RBM6: variants seen among roughly 807,000 people sequenced by gnomAD.
RBM6 encodes the protein RNA binding motif protein 6, also known as RNA-binding protein 6.
A neutral mutation model predicts 140.4 loss-of-function variants in RBM6; 23 were observed. That is an observed-to-expected ratio of 0.16 (90% confidence interval 0.12 to 0.23). The LOEUF is 0.23. Ranked by LOEUF, RBM6 falls within the 10% of genes least tolerant of loss-of-function variation. RBM6 has a pLI of 1.00. For synonymous variants in RBM6, 439 were observed against 475.6 expected (o/e 0.92, Z 1.00); for missense variants, 1,139 against 1,386.7 (o/e 0.82, Z 2.84).
At chr3:50,075,432 C>G in intron 20 of RBM6, 102 bp downstream of exon 20, 1 of 1,460,796 alleles carries the variant, frequency 6.8e-7, no homozygotes, top group Non-Finnish European at 9.3e-7. Context: ...GCTGGGCTTT[C>G]TCTACTGCTG....
At chr3:50,011,169 A>G (rs2086829900) in intron 6 of RBM6, among the ~76,000 whole-genome samples, 1 of 151,918 alleles carries the variant, frequency 6.6e-6, no homozygotes, top group African/African-American at 2.4e-5. Context: ...CGAGTGAGCC[A>G]TGATTAGATC....
chr3:50,006,521 T>C (rs545190477), intron 6 of RBM6, among the ~76,000 whole-genome samples: 1 of 152,284 alleles, frequency 6.6e-6, no homozygotes, highest in South Asian at 2.1e-4. Flanking sequence ...GGGGGTTGCA[T>C]TTCGGCTCCA....
At chr3:50,001,256 G>A (rs1295649026) in intron 6 of RBM6, among the ~76,000 whole-genome samples, 1 of 152,096 alleles carries the variant, frequency 6.6e-6, no homozygotes. Flanking sequence ...TTGAGGCCAG[G>A]AGTTTGAGAC....
At chr3:49,982,257 CTTTTCTTTTTTTTT>C (rs2085337860) in intron 5 of RBM6, among the ~76,000 whole-genome samples, 1 of 76,018 alleles carries the variant, frequency 1.3e-5, no homozygotes, top group African/African-American at 5.3e-5. Context: ...CATTTCTTTT[CTTTTCTTTTTTTTT>C]TTTTTTTTTT....
intron 1 of RBM6, among the ~76,000 whole-genome samples, chr3:49,941,977 G>T (rs2083302436): frequency 6.6e-6 from 1 of 151,480 alleles, no homozygotes; most frequent in Non-Finnish European, 1.5e-5. Flanking sequence ...GCATGCTCCT[G>T]TTAGCCCTAA....
Position 50,040,445 on chromosome 3 carries a change from CAAAAAAAAAAAA to C in RBM6, c.1558-7784_1558-7773del, listed in dbSNP as rs1163542465. Among the ~76,000 whole-genome samples the C allele has an allele frequency of 4.9e-3, 331 of 67,642 alleles. 5 individuals carry two copies. Among genetic ancestry groups the C allele is most frequent in the African/African-American group, 0.022 (298 of 13,852 alleles). 44.4% of individuals were successfully genotyped at this position (67,642 alleles called of 152,430 possible). On this transcript the variant is annotated intron_variant, in intron 6 of 20. Transcript: ENST00000266022. ...TGGGTGACAGAGCAAGGCTCCTTCT[CAAAAAAAAAAAA>C]AAAAAAAAAAAAAAATATATATATA... is the stretch of plus-strand genomic sequence containing the variant.
At chr3:50,036,017 C>T (rs1025310116) in intron 6 of RBM6, among the ~76,000 whole-genome samples, 1 of 152,168 alleles carries the variant, frequency 6.6e-6, no homozygotes, top group Non-Finnish European at 1.5e-5. Flanking sequence ...ACCTTGGCCT[C>T]CCAAAGTGCT....
intron 15 of RBM6, 41 bp from the exon 16 acceptor site, chr3:50,064,990 A>G (rs919701614): frequency 2.0e-6 from 3 of 1,523,674 alleles, no homozygotes; most frequent in South Asian, 1.1e-5. Flanking sequence ...ATCAGTTATT[A>G]TGAGTGAATA....
chr3:50,006,544 G>A (rs560534675), intron 6 of RBM6, among the ~76,000 whole-genome samples: 1 of 152,206 alleles, frequency 6.6e-6, no homozygotes, highest in Admixed American at 6.5e-5. Flanking sequence ...ACTTTCTAAG[G>A]TGTACTTGAA....
intron 7 of RBM6, 130 bp from the exon 8 acceptor site, chr3:50,054,205 C>CT: frequency 2.6e-6 from 2 of 756,772 alleles, no homozygotes; most frequent in South Asian, 3.4e-5. Context: ...ATATCAGATT[C>CT]TTTTTTTAAG....
chr3:49,987,902 C>T (rs1291567560), intron 5 of RBM6, among the ~76,000 whole-genome samples: 3 of 151,856 alleles, frequency 2.0e-5, no homozygotes, highest in African/African-American at 7.3e-5. Context: ...GCCTCCCAAG[C>T]GTGGGGATTA....
At chr3:49,943,568 C>T (rs944620594) in intron 1 of RBM6, among the ~76,000 whole-genome samples, 8 of 152,062 alleles carry the variant, frequency 5.3e-5, no homozygotes, top group African/African-American at 9.7e-5. Flanking sequence ...CTTGGCCTCC[C>T]GAAGTGCTGG....
chr3:49,959,384 A>G (rs1212859367), intron 1 of RBM6, among the ~76,000 whole-genome samples: 4 of 127,488 alleles, frequency 3.1e-5, no homozygotes, highest in African/African-American at 5.9e-5. Context: ...TATTTTTAGT[A>G]GAGACGGGGT....
intron 15 of RBM6, 134 bp from the exon 16 acceptor site, chr3:50,064,897 C>A: frequency 1.6e-6 from 1 of 643,200 alleles, no homozygotes; most frequent in Non-Finnish European, 2.7e-6. Context: ...TGGTCTCGAT[C>A]TCCTGACGTT....
At chr3:49,948,072 G>A (rs187534405) in intron 1 of RBM6, among the ~76,000 whole-genome samples, 222 of 152,106 alleles carry the variant, frequency 1.5e-3, no homozygotes, top group Admixed American at 3.9e-3. Flanking sequence ...CAGCCTGGGC[G>A]ACAGAGCGAG....
intron 6 of RBM6, among the ~76,000 whole-genome samples, chr3:50,025,368 A>G (rs2087739745): frequency 1.3e-5 from 2 of 151,686 alleles, no homozygotes; most frequent in Admixed American, 1.3e-4. Context: ...GGTTGCAGTG[A>G]GCTGAGATCA....
At chr3:50,060,693 G>C (rs1349525752) in intron 11 of RBM6, 1 of 243,274 alleles carries the variant, frequency 4.1e-6, no homozygotes, top group Non-Finnish European at 7.4e-6. Flanking sequence ...GGCGGAGCTT[G>C]CAGTGAGCTG....
At chr3:49,947,269 G>C (rs1451987237) in intron 1 of RBM6, among the ~76,000 whole-genome samples, 5 of 109,462 alleles carry the variant, frequency 4.6e-5, no homozygotes, top group Non-Finnish European at 6.3e-5. Flanking sequence ...AAAAGGGGGG[G>C]GGGGGGGGTT....
At chr3:50,019,111 C>G (rs1417307932) in intron 6 of RBM6, among the ~76,000 whole-genome samples, 1 of 151,364 alleles carries the variant, frequency 6.6e-6, no homozygotes, top group East Asian at 2.0e-4. Context: ...TCTCAGCTCA[C>G]TGCAGCCTCC....
Sources: gnomAD v4.1 joint callset for allele counts (sites outside exome capture counted in the v4.1 genomes callset) on GRCh38, gnomAD v4.1.1 for gene constraint, MANE v1.5 for transcripts, NCBI Gene and HGNC (gene_info 2026-07-23, HGNC 2026-07-21) for gene names.